Variants in ITPR1 observed in about 807,000 individuals in gnomAD.
ITPR1 encodes inositol 1,4,5-trisphosphate receptor type 1.
In ITPR1, 96 loss-of-function variants were observed where a neutral mutation model predicts 318.4. The ratio of observed to expected loss-of-function variants is 0.30; its 90% CI spans 0.26 to 0.36. The LOEUF (loss-of-function observed/expected upper bound fraction) is 0.36, where lower values mean the gene tolerates loss of function less well. Ranked by LOEUF, ITPR1 falls within the 10% of genes least tolerant of loss-of-function variation. The pLI, the probability that ITPR1 is intolerant of heterozygous loss-of-function variation, is 1.00. For missense variants in ITPR1, 2,440 were observed against 3,460.2 expected, an observed-to-expected ratio of 0.71 and a Z score of 7.40; for synonymous variants, 1,312 against 1,289.9, an observed-to-expected ratio of 1.02 and a Z score of -0.37.
In ITPR1 at chr3:4,795,079, T is replaced by C; in HGVS notation, c.6823T>C (p.Tyr2275His). Residue 2275 changes from tyrosine to histidine, a missense_variant, in exon 53 of 62, where the codon TAC becomes CAC. Transcript: ENST00000649015. The stretch of plus-strand genomic sequence containing the variant: ...TGTCTCTGCAGCCCAGCCCGTGTTG[T>C]ACTGGTGTGCCCGCAACATGTCTTT... ...QKKLRAQPVL[Y>H]WCARNMSFWS... is the part of the protein sequence containing the mutation. 3 of 1,613,500 alleles carry C rather than the reference T, an allele frequency of 1.9e-6. No homozygotes were observed. The highest frequency in any genetic ancestry group is 2.5e-6 in the Non-Finnish European group (3 of 1,179,582).
chr3:4,753,257 G>A (rs1405541635), intron 44 of ITPR1, among the ~76,000 whole-genome samples: 1 of 152,134 alleles, frequency 6.6e-6, no homozygotes, highest in Non-Finnish European at 1.5e-5. Flanking sequence ...AGTCGGGGCT[G>A]GATGAGGTGA....
intron 26 of ITPR1, among the ~76,000 whole-genome samples, chr3:4,681,865 A>T (rs1304896507): frequency 6.6e-6 from 1 of 152,164 alleles, no homozygotes; most frequent in Admixed American, 6.5e-5. Context: ...CAACAAAGAA[A>T]GCAAAATCTG....
chr3:4,500,879 G>A (rs1384958506), intron 2 of ITPR1, among the ~76,000 whole-genome samples: 7 of 151,926 alleles, frequency 4.6e-5, no homozygotes, highest in Admixed American at 4.6e-4. Context: ...TTTGAAACAG[G>A]GTCTTGCTCT....
intron 35 of ITPR1, among the ~76,000 whole-genome samples, chr3:4,700,853 A>C (rs1320910109): frequency 6.6e-6 from 1 of 152,210 alleles, no homozygotes; most frequent in Non-Finnish European, 1.5e-5. Context: ...CACGTCCCAC[A>C]TGGCAGCAGA....
At chr3:4,782,851 T>C in intron 50 of ITPR1, 110 bp downstream of exon 50, 1 of 1,023,250 alleles carries the variant, frequency 9.8e-7, no homozygotes, top group Non-Finnish European at 1.3e-6. Flanking sequence ...AACCTAGGAC[T>C]GTCTGTACTC....
In ITPR1 at chr3:4,685,173, G is replaced by A. The variant is rs201263269; in HGVS notation, c.3669G>A (p.Val1223=). 3.2e-4 allele frequency: 507 copies of A among 1,606,534 alleles called. No individual in the cohort carries two copies. Among genetic ancestry groups the A allele is most frequent in the Non-Finnish European group, 4.1e-4 (483 of 1,178,584 alleles). ...TCCGGAACATGGGCGCGCACGCCGT[G>A]GTGCTGGAGCTGCTGCAGATTCCCT... ...RLLRNMGAHA[V]VLELLQIPYE... is the part of the protein sequence containing the mutation. Residue 1223 remains valine, a synonymous_variant, in exon 30 of 62, where the codon GTG becomes GTA. Transcript: ENST00000649015.
intron 46 of ITPR1, among the ~76,000 whole-genome samples, chr3:4,769,861 C>T (rs554903832): frequency 3.1e-4 from 47 of 152,346 alleles, no homozygotes; most frequent in African/African-American, 1.1e-3. Flanking sequence ...CGTAGAGATC[C>T]GCTTCTTTCT....
chr3:4,661,794 C>G (rs1180415519), intron 14 of ITPR1, among the ~76,000 whole-genome samples: 1 of 152,154 alleles, frequency 6.6e-6, no homozygotes, highest in Non-Finnish European at 1.5e-5. Context: ...TATTTACAAA[C>G]ATCTTCTTTA....
chr3:4,638,285 A>G (rs1488351916), intron 5 of ITPR1, among the ~76,000 whole-genome samples: 1 of 152,148 alleles, frequency 6.6e-6, no homozygotes, highest in Non-Finnish European at 1.5e-5. Flanking sequence ...TCAATACTGA[A>G]TTTCTTCTCA....
intron 5 of ITPR1, among the ~76,000 whole-genome samples, chr3:4,629,244 C>G (rs1044783231): frequency 3.9e-5 from 6 of 152,180 alleles, no homozygotes; most frequent in African/African-American, 1.4e-4. Context: ...ACCTCAGACT[C>G]TCAACTGTCA....
intron 11 of ITPR1, among the ~76,000 whole-genome samples, chr3:4,653,477 T>C (rs1249328970): frequency 6.6e-6 from 1 of 152,228 alleles, no homozygotes; most frequent in Non-Finnish European, 1.5e-5. Context: ...TGTCATGTTT[T>C]GAAGCTAATG....
chr3:4,827,060 A>C (rs561849950), intron 60 of ITPR1, among the ~76,000 whole-genome samples: 1 of 152,232 alleles, frequency 6.6e-6, no homozygotes, highest in Non-Finnish European at 1.5e-5. Flanking sequence ...ACGATGTATG[A>C]GTTTGTACAT....
At chr3:4,560,325 C>T (rs1454196331) in intron 4 of ITPR1, among the ~76,000 whole-genome samples, 1 of 152,136 alleles carries the variant, frequency 6.6e-6, no homozygotes, top group Non-Finnish European at 1.5e-5. Context: ...GGTTCTCTCT[C>T]AGGTCTCAGA....
rs527729917 is a variant in ITPR1, at chr3:4,543,751, G to T, written c.163+22657G>T. Among the ~76,000 whole-genome samples, 3 of 152,288 alleles carry T rather than the reference G, an allele frequency of 2.0e-5. No individual in the cohort carries two copies. In the South Asian group the frequency reaches 6.2e-4, roughly 32 times the overall value. On this transcript the variant is annotated intron_variant, in intron 4 of 61. Coordinates refer to ENST00000649015, the MANE Select transcript of ITPR1 (RefSeq NM_001378452.1). ...AGCCACCATGCCTGGCCGTATTTAA[G>T]TCTGTTAGGAATGATTTTGACTGCA... is the stretch of plus-strand genomic sequence containing the variant.
At chr3:4,580,837 T>C (rs1329095240) in intron 4 of ITPR1, among the ~76,000 whole-genome samples, 3 of 152,050 alleles carry the variant, frequency 2.0e-5, no homozygotes, top group East Asian at 1.9e-4. Flanking sequence ...AGTGGGCACA[T>C]AGGGTGAGTG....
chr3:4,677,656 G>A (rs1416365070), intron 24 of ITPR1, among the ~76,000 whole-genome samples: 3 of 152,182 alleles, frequency 2.0e-5, no homozygotes, highest in Non-Finnish European at 4.4e-5. Context: ...TTGCCTGTAA[G>A]GATGCACAGA....
intron 4 of ITPR1, among the ~76,000 whole-genome samples, chr3:4,581,702 T>A (rs2089360132): frequency 6.6e-6 from 1 of 152,194 alleles, no homozygotes; most frequent in Non-Finnish European, 1.5e-5. Flanking sequence ...GGAACCGTGT[T>A]GTTTTCTGCC....
intron 60 of ITPR1, among the ~76,000 whole-genome samples, chr3:4,820,619 T>C (rs1347662875): frequency 1.3e-5 from 2 of 152,204 alleles, no homozygotes; most frequent in Non-Finnish European, 2.9e-5. Context: ...CATCATTCTT[T>C]GATTATATGA....
At chr3:4,641,609 C>CA (rs1362188734) in intron 6 of ITPR1, among the ~76,000 whole-genome samples, 2 of 152,200 alleles carry the variant, frequency 1.3e-5, no homozygotes, top group African/African-American at 4.8e-5. Flanking sequence ...CTCCTGGGCT[C>CA]AAGCAGTCCT....
Sources: gnomAD v4.1 joint callset for allele counts (sites outside exome capture counted in the v4.1 genomes callset) on GRCh38, gnomAD v4.1.1 for gene constraint, MANE v1.5 for transcripts, NCBI Gene and HGNC (gene_info 2026-07-23, HGNC 2026-07-21) for gene names.